DISC1: variants seen among roughly 807,000 people sequenced by gnomAD.
The protein encoded by DISC1 is disrupted in schizophrenia 1 protein.
In DISC1, 57 loss-of-function variants were observed where a neutral mutation model predicts 84.5. That is an observed-to-expected ratio of 0.67 (90% confidence interval 0.55 to 0.84). The LOEUF is 0.84. Among genes scored for constraint, DISC1 ranks in the 40% least tolerant of loss-of-function variants. The pLI is 0.00. For missense variants in DISC1, 1,000 were observed against 1,057.8 expected, an observed-to-expected ratio of 0.95 and a Z score of 0.76; for synonymous variants, 411 against 415.2, an observed-to-expected ratio of 0.99 and a Z score of 0.12.
intron 8 of DISC1, among the ~76,000 whole-genome samples, chr1:231,808,626 A>G (rs1437855864): frequency 3.3e-5 from 5 of 152,260 alleles, no homozygotes; most frequent in African/African-American, 1.2e-4. Flanking sequence ...TGCCTTTCAT[A>G]GGATGCTGCT....
intron 10 of DISC1, among the ~76,000 whole-genome samples, chr1:231,967,168 G>C (rs985984321): frequency 6.6e-6 from 1 of 152,238 alleles, no homozygotes; most frequent in African/African-American, 2.4e-5. Flanking sequence ...TGAATGTCCA[G>C]AGGTGGCCAG....
chr1:231,752,045 G>T (rs2074659795), intron 4 of DISC1, among the ~76,000 whole-genome samples: 1 of 152,178 alleles, frequency 6.6e-6, no homozygotes, highest in Non-Finnish European at 1.5e-5. Context: ...AGTGCTGAGG[G>T]AGACACAAAC....
At chr1:232,005,969 A>G (rs1290217452) in intron 10 of DISC1, among the ~76,000 whole-genome samples, 1 of 152,152 alleles carries the variant, frequency 6.6e-6, no homozygotes, top group East Asian at 1.9e-4. Context: ...TTTTGTCAAC[A>G]TTGAATTTAC....
At chr1:231,722,712 G>T (rs140257794) in intron 3 of DISC1, 3 of 1,563,784 alleles carry the variant, frequency 1.9e-6, no homozygotes, top group Admixed American at 1.9e-5. Flanking sequence ...GGAAGAATAC[G>T]CTCATTTATG....
chr1:231,998,247 A>G (rs821659), intron 10 of DISC1, among the ~76,000 whole-genome samples: 47,030 of 152,094 alleles, frequency 0.31, 7,812 homozygotes, highest in African/African-American at 0.42. Context: ...GATAAATGAA[A>G]CAATATGAAG....
At chr1:231,769,272 C>T (rs1249407952) in intron 5 of DISC1, among the ~76,000 whole-genome samples, 2 of 152,164 alleles carry the variant, frequency 1.3e-5, no homozygotes, top group Non-Finnish European at 2.9e-5. Flanking sequence ...GGGTATATAT[C>T]TGTCTCAAAA....
intron 8 of DISC1, among the ~76,000 whole-genome samples, chr1:231,809,571 A>G (rs2080091188): frequency 6.9e-6 from 1 of 145,158 alleles, no homozygotes; most frequent in Non-Finnish European, 1.5e-5. Flanking sequence ...CATTTCATTT[A>G]TAGAGAATAA....
chr1:231,997,126 A>G (rs1666054942), intron 10 of DISC1, among the ~76,000 whole-genome samples: 1 of 152,182 alleles, frequency 6.6e-6, no homozygotes, highest in East Asian at 1.9e-4. Context: ...AGCACTCAGC[A>G]TAGCATCCCC....
At chr1:231,628,848 C>A (rs1248324058) in intron 1 of DISC1, among the ~76,000 whole-genome samples, 1 of 152,178 alleles carries the variant, frequency 6.6e-6, no homozygotes, top group Non-Finnish European at 1.5e-5. Flanking sequence ...CTCAAGAGAT[C>A]CTCCTGTTCC....
chr1:231,820,693 G>GA (rs1159530571), intron 9 of DISC1, among the ~76,000 whole-genome samples: 3 of 151,726 alleles, frequency 2.0e-5, no homozygotes, highest in East Asian at 1.9e-4. Flanking sequence ...AGTCCAGTCA[G>GA]AAAAAAAACA....
chr1:232,035,780 A>G (rs1465053634), intron 12 of DISC1, among the ~76,000 whole-genome samples: 2 of 152,204 alleles, frequency 1.3e-5, no homozygotes, highest in East Asian at 1.9e-4. Context: ...TCTGACTACA[A>G]GTAAAAAGGG....
chr1:232,029,038 C>T (rs1669750241), intron 12 of DISC1, among the ~76,000 whole-genome samples: 2 of 152,162 alleles, frequency 1.3e-5, no homozygotes, highest in South Asian at 2.1e-4. Context: ...AGAAAGCAGC[C>T]ATTGCCTATA....
At chr1:231,834,219 G>A (rs190729813) in intron 9 of DISC1, among the ~76,000 whole-genome samples, 140 of 152,284 alleles carry the variant, frequency 9.2e-4, no homozygotes, top group African/African-American at 3.3e-3. Flanking sequence ...GAGGAGAGGT[G>A]ATAAAAGGAT....
chr1:231,723,839 G>A, intron 3 of DISC1: 1 of 985,284 alleles, frequency 1.0e-6, no homozygotes, highest in Non-Finnish European at 1.2e-6. Flanking sequence ...TTGTGGGGTG[G>A]GCTACATCTT....
chr1:231,772,300 A>G (rs2076611045), intron 6 of DISC1, among the ~76,000 whole-genome samples: 1 of 152,188 alleles, frequency 6.6e-6, no homozygotes, highest in South Asian at 2.1e-4. Context: ...TGAGACATAC[A>G]GAACGCACAC....
At chr1:231,767,814 CT>C (rs1192412918) in intron 5 of DISC1, among the ~76,000 whole-genome samples, 1 of 152,226 alleles carries the variant, frequency 6.6e-6, no homozygotes, top group Non-Finnish European at 1.5e-5. Flanking sequence ...TTTGAATATG[CT>C]TTTCTTGTCT....
At chr1:231,903,988 G>T (rs1054108183) in intron 9 of DISC1, among the ~76,000 whole-genome samples, 1 of 152,216 alleles carries the variant, frequency 6.6e-6, no homozygotes, top group Non-Finnish European at 1.5e-5. Flanking sequence ...TTTGGAGCAG[G>T]AAAGGGGTGG....
chr1:231,833,506 C>T (rs897307914), intron 9 of DISC1, among the ~76,000 whole-genome samples: 16 of 151,338 alleles, frequency 1.1e-4, no homozygotes, highest in African/African-American at 3.9e-4. Context: ...GGGAAGGAGT[C>T]AGTCAGAGAG....
At chr1:232,024,713 C>G (rs1281154335) in intron 11 of DISC1, among the ~76,000 whole-genome samples, 3 of 152,026 alleles carry the variant, frequency 2.0e-5, no homozygotes, top group African/African-American at 7.2e-5. Flanking sequence ...CTGCCTCAGC[C>G]TCCTGAGTGG....
Sources: gnomAD v4.1 joint callset for allele counts (sites outside exome capture counted in the v4.1 genomes callset) on GRCh38, gnomAD v4.1.1 for gene constraint, MANE v1.5 for transcripts, NCBI Gene and HGNC (gene_info 2026-07-23, HGNC 2026-07-21) for gene names.